The following MSH3 variants were observed in gnomAD, a reference collection of about 807,000 sequenced individuals.
The protein encoded by MSH3 is mutS homolog 3, also known as DNA mismatch repair protein Msh3.
Under a neutral mutation model 123.3 loss-of-function variants are expected in MSH3, and 106 were observed. That is an observed-to-expected ratio of 0.86 (90% CI 0.73 to 1.01). The LOEUF is 1.01. Ranked by LOEUF, MSH3 falls within the 50% of genes least tolerant of loss-of-function variation. The pLI is 0.00. For synonymous variants in MSH3, 515 were observed against 481.4 expected, an observed-to-expected ratio of 1.07 and a Z score of -0.91; for missense variants, 1,459 against 1,347.6, an observed-to-expected ratio of 1.08 and a Z score of -1.29.
At chr5:80,785,105 G>A (rs1444959390) in intron 17 of MSH3, among the ~76,000 whole-genome samples, 1 of 152,140 alleles carries the variant, frequency 6.6e-6, no homozygotes, top group East Asian at 1.9e-4. Flanking sequence ...AAGCTAGGAA[G>A]CACTGTAGAA....
At chr5:80,748,508 A>T (rs1021912592) in intron 12 of MSH3, among the ~76,000 whole-genome samples, 5 of 152,060 alleles carry the variant, frequency 3.3e-5, no homozygotes, top group Non-Finnish European at 7.4e-5. Flanking sequence ...TGTAGTTTTT[A>T]TCAGTTCTGC....
At chr5:80,674,478 G>A (rs1281436573) in intron 6 of MSH3, among the ~76,000 whole-genome samples, 3 of 152,172 alleles carry the variant, frequency 2.0e-5, no homozygotes, top group Non-Finnish European at 4.4e-5. Flanking sequence ...AACATTATGG[G>A]ATTGTTAAGG....
chr5:80,733,969 A>T (rs1743459552), intron 10 of MSH3, among the ~76,000 whole-genome samples: 1 of 152,210 alleles, frequency 6.6e-6, no homozygotes, highest in African/African-American at 2.4e-5. Context: ...TAAGACAAGG[A>T]AAATATGATG....
intron 20 of MSH3, among the ~76,000 whole-genome samples, chr5:80,847,206 T>G (rs1228639371): frequency 1.3e-5 from 2 of 152,084 alleles, no homozygotes; most frequent in African/African-American, 4.8e-5. Context: ...ATTACAGGCA[T>G]GCACCACTAC....
At chr5:80,685,585 A>G (rs1300253183) in intron 8 of MSH3, among the ~76,000 whole-genome samples, 1 of 151,538 alleles carries the variant, frequency 6.6e-6, no homozygotes, top group East Asian at 1.9e-4. Flanking sequence ...AAGTCTTACC[A>G]ATTTTATCTT....
At chr5:80,713,258 T>C (rs533520218) in intron 8 of MSH3, among the ~76,000 whole-genome samples, 1 of 152,344 alleles carries the variant, frequency 6.6e-6, no homozygotes, top group East Asian at 1.9e-4. Flanking sequence ...AAAGATATTA[T>C]TGGTTCTGAA....
intron 19 of MSH3, among the ~76,000 whole-genome samples, chr5:80,808,515 G>A (rs245390): frequency 0.25 from 37,435 of 152,014 alleles, 4,885 homozygotes; most frequent in Non-Finnish European, 0.29. Flanking sequence ...ACCACTTAGT[G>A]GTGGATGGTG....
intron 21 of MSH3, among the ~76,000 whole-genome samples, chr5:80,861,501 A>C (rs764429206): frequency 6.6e-6 from 1 of 152,100 alleles, no homozygotes; most frequent in Non-Finnish European, 1.5e-5. Flanking sequence ...GGCTCCACTT[A>C]AGTAGTTTCT....
At chr5:80,777,058 A>G (rs1036853009) in intron 16 of MSH3, among the ~76,000 whole-genome samples, 5 of 151,712 alleles carry the variant, frequency 3.3e-5, no homozygotes, top group African/African-American at 9.7e-5. Context: ...CAGCCTCCCA[A>G]GTAGCTGGGA....
chr5:80,688,514 T>C (rs909266779), intron 8 of MSH3, among the ~76,000 whole-genome samples: 8 of 152,340 alleles, frequency 5.3e-5, no homozygotes, highest in Non-Finnish European at 1.5e-5. Flanking sequence ...TCATCTCTTA[T>C]TAAATTAATT....
intron 17 of MSH3, among the ~76,000 whole-genome samples, chr5:80,784,981 A>C (rs1360094989): frequency 1.3e-5 from 2 of 152,232 alleles, no homozygotes; most frequent in Admixed American, 1.3e-4. Flanking sequence ...TCATTTATGT[A>C]CAATACCTTA....
chr5:80,741,375 A>C (rs188525969), intron 10 of MSH3, 89 bp from the exon 11 acceptor site: 1 of 865,712 alleles, frequency 1.2e-6, no homozygotes, highest in Non-Finnish European at 1.9e-6. Context: ...TTTTGCCATA[A>C]TGTAGCTGGC....
intron 21 of MSH3, among the ~76,000 whole-genome samples, chr5:80,863,852 T>C (rs1380589315): frequency 6.6e-6 from 1 of 152,142 alleles, no homozygotes; most frequent in Non-Finnish European, 1.5e-5. Context: ...AGTTTTATTG[T>C]GCAGAGGAAT....
Position 80,744,623 on chromosome 5 carries a change from G to T in MSH3, c.1763+8G>T. 6.3e-7 allele frequency: 1 copy of T among 1,592,646 alleles called. No individual in the cohort carries two copies. The highest frequency in any genetic ancestry group is 8.6e-7 in the Non-Finnish European group (1 of 1,161,374). ...GCCACTCCTTAAATTAAGGTAAAAG[G>T]AATTCTTTTTGGGGTGTTTAATCTG... On this transcript the variant is annotated splice_region_variant and intron_variant, in intron 12 of 23. Coordinates refer to ENST00000265081, the MANE Select transcript of MSH3 (RefSeq NM_002439.5).
At chr5:80,783,663 T>G (rs1364454565) in intron 17 of MSH3, among the ~76,000 whole-genome samples, 1 of 152,174 alleles carries the variant, frequency 6.6e-6, no homozygotes, top group Non-Finnish European at 1.5e-5. Context: ...GTCAAGCTGC[T>G]GAGTAGTAGC....
intron 15 of MSH3, among the ~76,000 whole-genome samples, chr5:80,770,595 T>C (rs1049870513): frequency 6.6e-6 from 1 of 151,924 alleles, no homozygotes; most frequent in African/African-American, 2.4e-5. Context: ...AGGTTTGGAG[T>C]AGTTAGATAA....
At chr5:80,774,956 A>G (rs906730468) in intron 15 of MSH3, among the ~76,000 whole-genome samples, 7 of 152,338 alleles carry the variant, frequency 4.6e-5, no homozygotes, top group African/African-American at 1.4e-4. Flanking sequence ...AAAAGAGTAT[A>G]ACTGGATTAT....
intron 20 of MSH3, among the ~76,000 whole-genome samples, chr5:80,843,652 A>G (rs1259610862): frequency 6.6e-6 from 1 of 152,150 alleles, no homozygotes; most frequent in African/African-American, 2.4e-5. Flanking sequence ...TATGTCCTGG[A>G]ATTTATCCAT....
intron 21 of MSH3, among the ~76,000 whole-genome samples, chr5:80,863,153 A>G (rs1746041588): frequency 6.6e-6 from 1 of 152,224 alleles, no homozygotes. Flanking sequence ...TGCACTGGGA[A>G]GGACCCATCA....
Sources: gnomAD v4.1 joint callset for allele counts (sites outside exome capture counted in the v4.1 genomes callset) on GRCh38, gnomAD v4.1.1 for gene constraint, MANE v1.5 for transcripts, NCBI Gene and HGNC (gene_info 2026-07-23, HGNC 2026-07-21) for gene names.